XRCC4: variants seen among roughly 807,000 people sequenced by gnomAD.
XRCC4 encodes the protein DNA repair protein XRCC4.
Under a neutral mutation model 39.1 loss-of-function variants are expected in XRCC4, and 28 were observed. The observed-to-expected ratio is 0.72, with a 90% confidence interval of 0.53 to 0.98. XRCC4 has a LOEUF of 0.98. Among genes scored for constraint, XRCC4 ranks in the 50% least tolerant of loss-of-function variants. XRCC4 has a pLI of 0.00. For synonymous variants in XRCC4, 123 were observed against 126.4 expected (o/e 0.97, Z 0.18); for missense variants, 350 against 376.4 (o/e 0.93, Z 0.58).
chr5:83,259,619 A>G (rs569637378), intron 7 of XRCC4, among the ~76,000 whole-genome samples: 1 of 152,150 alleles, frequency 6.6e-6, no homozygotes, highest in Non-Finnish European at 1.5e-5. Flanking sequence ...AACAGGTTTG[A>G]AAAGTATAAA....
chr5:83,215,047 T>G (rs528950814), intron 6 of XRCC4, among the ~76,000 whole-genome samples: 3 of 152,030 alleles, frequency 2.0e-5, no homozygotes, highest in Admixed American at 2.0e-4. Flanking sequence ...AGAAATTTAG[T>G]ATTGTTGGCC....
chr5:83,207,332 T>C (rs1362560700), intron 6 of XRCC4, among the ~76,000 whole-genome samples: 1 of 131,536 alleles, frequency 7.6e-6, no homozygotes, highest in Non-Finnish European at 1.8e-5. Flanking sequence ...ACAATTGTAC[T>C]ATTTTCAATT....
chr5:83,328,191 T>C (rs1410648311), intron 7 of XRCC4, among the ~76,000 whole-genome samples: 2 of 152,102 alleles, frequency 1.3e-5, no homozygotes. Context: ...GTGAGACTTA[T>C]TAACTATCAG....
intron 3 of XRCC4, among the ~76,000 whole-genome samples, chr5:83,124,911 G>T (rs371467544): frequency 7.2e-5 from 11 of 152,252 alleles, no homozygotes; most frequent in East Asian, 3.9e-4. Context: ...AACTTTATCA[G>T]CAAGTGCTAC....
chr5:83,123,190 C>G (rs1338564711), intron 3 of XRCC4, among the ~76,000 whole-genome samples: 1 of 152,054 alleles, frequency 6.6e-6, no homozygotes, highest in African/African-American at 2.4e-5. Flanking sequence ...TAATATCAGA[C>G]ATTACTTCAT....
intron 3 of XRCC4, among the ~76,000 whole-genome samples, chr5:83,164,496 G>A (rs1157952417): frequency 6.6e-6 from 1 of 152,038 alleles, no homozygotes; most frequent in Admixed American, 6.6e-5. Flanking sequence ...AGCTCCCTTA[G>A]TTCTGGAGAT....
At chr5:83,338,320 C>T (rs1309741347) in intron 7 of XRCC4, among the ~76,000 whole-genome samples, 1 of 152,090 alleles carries the variant, frequency 6.6e-6, no homozygotes, top group Non-Finnish European at 1.5e-5. Flanking sequence ...GTTCGGATGA[C>T]AGATGATTGA....
At chr5:83,078,956 G>C (rs1305080016) in intron 1 of XRCC4, among the ~76,000 whole-genome samples, 2 of 152,206 alleles carry the variant, frequency 1.3e-5, no homozygotes, top group African/African-American at 4.8e-5. Flanking sequence ...TGGAAATTAT[G>C]TTGTGCAATT....
In XRCC4 at chr5:83,174,479, T is replaced by C. The variant is rs139578148; in HGVS notation, c.316-21291T>C. Among the ~76,000 whole-genome samples, 41 of 152,334 alleles carry C rather than the reference T, an allele frequency of 2.7e-4. No individual in the cohort carries two copies. In the East Asian group the frequency reaches 7.3e-3, roughly 27 times the overall value. ...CTGCTTCTTTAGTTTTAGGAATTTATACTTTAGCACTCCATTGAATGAAAT... is the reference window on the plus strand; with the variant it reads ...CTGCTTCTTTAGTTTTAGGAATTTACACTTTAGCACTCCATTGAATGAAAT... On this transcript the variant is annotated intron_variant, in intron 3 of 7. Coordinates refer to ENST00000396027, the MANE Select transcript of XRCC4 (RefSeq NM_003401.5).
At chr5:83,199,789 G>T (rs953158028) in intron 4 of XRCC4, among the ~76,000 whole-genome samples, 7 of 140,950 alleles carry the variant, frequency 5.0e-5, no homozygotes, top group Admixed American at 4.9e-4. Flanking sequence ...CTATTTTTTT[G>T]TCCAAGGTTT....
Position 83,272,879 on chromosome 5 carries a change from A to G in XRCC4, c.893+14202A>G, listed in dbSNP as rs138608528. On this transcript the variant is annotated intron_variant, in intron 7 of 7. Transcript: ENST00000396027. ...CTTTGCTATTGTAAATAGAGTTGCA[A>G]TAAACATAAGTGTGCATGTGTCTTT... Among the ~76,000 whole-genome samples the G allele has an allele frequency of 7.1e-4, 108 of 152,348 alleles. 1 individual carries two copies. The highest frequency in any genetic ancestry group is 1.5e-3 in the African/African-American group (64 of 41,590).
At chr5:83,351,543 C>T (rs1164419636) in intron 7 of XRCC4, among the ~76,000 whole-genome samples, 3 of 152,094 alleles carry the variant, frequency 2.0e-5, no homozygotes, top group Admixed American at 6.6e-5. Flanking sequence ...AATAATTATA[C>T]TTTTATCCCA....
chr5:83,207,114 C>T (rs984936231), intron 6 of XRCC4, among the ~76,000 whole-genome samples: 18 of 152,072 alleles, frequency 1.2e-4, no homozygotes, highest in African/African-American at 3.6e-4. Flanking sequence ...TAGAGAAAAA[C>T]TTACAAAGAT....
chr5:83,225,198 A>T (rs1181875357), intron 6 of XRCC4, among the ~76,000 whole-genome samples: 1 of 152,082 alleles, frequency 6.6e-6, no homozygotes, highest in Non-Finnish European at 1.5e-5. Context: ...TGAGCCCCTG[A>T]AGCTTATTAT....
chr5:83,330,479 A>G (rs957366318), intron 7 of XRCC4, among the ~76,000 whole-genome samples: 3 of 152,062 alleles, frequency 2.0e-5, no homozygotes, highest in Admixed American at 2.0e-4. Flanking sequence ...GCTCAAAAAT[A>G]AAGCAGCATT....
chr5:83,204,250 G>A (rs559363005), intron 5 of XRCC4, among the ~76,000 whole-genome samples: 1 of 152,074 alleles, frequency 6.6e-6, no homozygotes, highest in South Asian at 2.1e-4. Flanking sequence ...ACTTTTTTAC[G>A]CATTAGCAAA....
intron 7 of XRCC4, among the ~76,000 whole-genome samples, chr5:83,271,666 T>A (rs1416456324): frequency 6.6e-6 from 1 of 152,178 alleles, no homozygotes; most frequent in Non-Finnish European, 1.5e-5. Flanking sequence ...AGAGTCATGT[T>A]GAGTACATAA....
chr5:83,144,290 T>TGTGTGC (rs1284973889), intron 3 of XRCC4, among the ~76,000 whole-genome samples: 1 of 151,418 alleles, frequency 6.6e-6, no homozygotes, highest in Non-Finnish European at 1.5e-5. Context: ...TGTGTGTGTG[T>TGTGTGC]GTGTGTGTGT....
intron 3 of XRCC4, among the ~76,000 whole-genome samples, chr5:83,149,352 C>T (rs1292185296): frequency 1.3e-5 from 2 of 151,610 alleles, no homozygotes; most frequent in African/African-American, 2.4e-5. Flanking sequence ...TTCTGGTCTA[C>T]AATATTTAGG....
Sources: gnomAD v4.1 joint callset for allele counts (sites outside exome capture counted in the v4.1 genomes callset) on GRCh38, gnomAD v4.1.1 for gene constraint, MANE v1.5 for transcripts, NCBI Gene and HGNC (gene_info 2026-07-23, HGNC 2026-07-21) for gene names.